The following PSAP variants were observed in gnomAD, a reference collection of about 807,000 sequenced individuals.
PSAP encodes precursor of saposins.
Under a neutral mutation model 66.0 loss-of-function variants are expected in PSAP, and 25 were observed. The ratio of observed to expected loss-of-function variants is 0.38; its 90% CI spans 0.28 to 0.53. The LOEUF (loss-of-function observed/expected upper bound fraction) is 0.53, where lower values mean the gene tolerates loss of function less well. Among genes scored for constraint, PSAP ranks in the 20% least tolerant of loss-of-function variants. The pLI is 0.83. For missense variants in PSAP, 649 were observed against 668.8 expected (o/e 0.97, Z 0.33); for synonymous variants, 273 against 258.9 (o/e 1.05, Z -0.52).
intron 11 of PSAP, 166 bp from the exon 12 acceptor site, chr10:71,819,277 C>T (rs1239269057): frequency 1.8e-5 from 19 of 1,032,262 alleles, no homozygotes; most frequent in Non-Finnish European, 2.6e-5. Context: ...CTACATTTGG[C>T]CTCTCTACTT....
At chr10:71,845,637 C>T (rs375603025) in intron 1 of PSAP, among the ~76,000 whole-genome samples, 4 of 152,282 alleles carry the variant, frequency 2.6e-5, no homozygotes, top group East Asian at 3.9e-4. Context: ...GACCTGGCTT[C>T]CCACGTCCAT....
At chr10:71,822,984 G>A (rs188012315) in intron 7 of PSAP, among the ~76,000 whole-genome samples, 10 of 150,958 alleles carry the variant, frequency 6.6e-5, no homozygotes, top group Non-Finnish European at 5.9e-5. Context: ...TAATAAGAAC[G>A]CAGCTGAAGA....
chr10:71,834,522 C>T lies in PSAP; in HGVS notation c.41-17G>A, dbSNP rs181164406. ...CGGCTAGAGCTAAAATGAAAACCAACGTGAGGAGGTGGCCCATTTTGTAGC... is the reference window on the plus strand; with the variant it reads ...CGGCTAGAGCTAAAATGAAAACCAATGTGAGGAGGTGGCCCATTTTGTAGC... On this transcript the variant is annotated splice_polypyrimidine_tract_variant and intron_variant, in intron 1 of 13. Transcript: ENST00000394936. 922 of 1,613,048 alleles carry T rather than the reference C, an allele frequency of 5.7e-4. 5 individuals are homozygous for T. In the African/African-American group the frequency reaches 1.0e-2, roughly 17 times the overall value.
intron 12 of PSAP, 87 bp from the exon 13 acceptor site, chr10:71,818,811 A>G: frequency 8.1e-7 from 1 of 1,237,204 alleles, no homozygotes; most frequent in Non-Finnish European, 1.2e-6. Flanking sequence ...CAGTTTCCAG[A>G]AGGAGCTAGG....
chr10:71,819,998 G>T, intron 9 of PSAP, 98 bp from the exon 10 acceptor site: 7 of 1,124,916 alleles, frequency 6.2e-6, no homozygotes, highest in Non-Finnish European at 9.2e-6. Context: ...TGAGTCAATG[G>T]TGGGTGCCGT....
rs1842226387 is a variant in PSAP, at chr10:71,818,670, T to C, written c.1486A>G (p.Ile496Val). 6.2e-7 allele frequency: 1 copy of C among 1,614,124 alleles called. No homozygotes were observed. The highest frequency in any genetic ancestry group is 8.5e-7 in the Non-Finnish European group (1 of 1,180,036). The change falls in exon 13 of 14, where the codon ATA becomes GTA. Residue 496 changes from isoleucine to valine, a missense_variant. Transcript: ENST00000394936. ...TGGCACCAGTAGCTTGGGCCCCATA[T>C]ACACTTCTCAGTTCCCAACAAGGGC... ...HKPLLGTEKCIWGPSYWCQNT... is the reference protein window; with the variant it reads ...HKPLLGTEKCVWGPSYWCQNT...
chr10:71,819,627 A>C lies in PSAP; in HGVS notation c.1193-5T>G. ...CCTTTGGCTGAGTCACGTGAACTAC[A>C]TAAGAGGGCAGCGGGCTCAACGCTG... On this transcript the variant is annotated splice_polypyrimidine_tract_variant and splice_region_variant and intron_variant, in intron 10 of 13. Coordinates refer to ENST00000394936, the MANE Select transcript of PSAP (RefSeq NM_002778.4). 2 of 1,614,194 alleles carry C rather than the reference A, an allele frequency of 1.2e-6. No individual in the cohort carries two copies. The highest frequency in any genetic ancestry group is 1.7e-6 in the Non-Finnish European group (2 of 1,180,030).
intron 2 of PSAP, among the ~76,000 whole-genome samples, chr10:71,834,125 T>C (rs1842575907): frequency 6.6e-6 from 1 of 152,168 alleles, no homozygotes; most frequent in Non-Finnish European, 1.5e-5. Context: ...GGGGACCTCA[T>C]CCTGTCTGCC....
chr10:71,829,390 G>T (rs1842466643), intron 4 of PSAP, among the ~76,000 whole-genome samples: 1 of 152,134 alleles, frequency 6.6e-6, no homozygotes, highest in Non-Finnish European at 1.5e-5. Flanking sequence ...GGACCTAGTG[G>T]GAGGTAACTG....
At chr10:71,834,644 C>A in intron 1 of PSAP, 139 bp from the exon 2 acceptor site, 1 of 1,084,394 alleles carries the variant, frequency 9.2e-7, no homozygotes, top group South Asian at 1.4e-5. Flanking sequence ...TATGGGACAC[C>A]AGCCACACAG....
In PSAP at chr10:71,828,107, C is replaced by G. The variant is rs759058332; in HGVS notation, c.627G>C (p.Gln209His). 6.2e-7 allele frequency: 1 copy of G among 1,614,164 alleles called. No homozygotes were observed. Among genetic ancestry groups the G allele is most frequent in the South Asian group, 1.1e-5 (1 of 91,078 alleles). The change falls in exon 6 of 14, where the codon CAG becomes CAC. Residue 209 changes from glutamine (Q) to histidine (H), a missense_variant. Physicochemically the swap from Gln to His is conservative, Grantham distance 24 (BLOSUM62 0). Coordinates refer to ENST00000394936, the MANE Select transcript of PSAP (RefSeq NM_002778.4). ...AGGTGGAGTTGGTCCGTACAGCAGTCTGGATGTCAGTCACCATCTGAATGC... is the reference window on the plus strand; with the variant it reads ...AGGTGGAGTTGGTCCGTACAGCAGTGTGGATGTCAGTCACCATCTGAATGC... The part of the protein sequence containing the change: ...QDCIQMVTDI[Q>H]TAVRTNSTFV...
chr10:71,836,363 G>A (rs918136832), intron 1 of PSAP, among the ~76,000 whole-genome samples: 1 of 152,108 alleles, frequency 6.6e-6, no homozygotes, highest in African/African-American at 2.4e-5. Flanking sequence ...AGCGGTGGAG[G>A]GGAGGCAGAA....
intron 9 of PSAP, 94 bp from the exon 10 acceptor site, chr10:71,819,994 A>G: frequency 8.7e-7 from 1 of 1,144,932 alleles, no homozygotes; most frequent in Non-Finnish European, 1.3e-6. Flanking sequence ...GAAATGAGTC[A>G]ATGGTGGGTG....
intron 1 of PSAP, among the ~76,000 whole-genome samples, chr10:71,838,678 C>T (rs1842673523): frequency 1.3e-5 from 2 of 152,112 alleles, no homozygotes; most frequent in Non-Finnish European, 2.9e-5. Context: ...ATCGATTGAG[C>T]CCAGGAGGCG....
chr10:71,832,542 G>A (rs1218791113), intron 2 of PSAP, among the ~76,000 whole-genome samples: 1 of 152,154 alleles, frequency 6.6e-6, no homozygotes, highest in Admixed American at 6.5e-5. Flanking sequence ...GTGAGACTGA[G>A]GAACACCTAT....
chr10:71,843,065 G>A (rs576783804), intron 1 of PSAP, among the ~76,000 whole-genome samples: 6 of 152,050 alleles, frequency 3.9e-5, no homozygotes, highest in East Asian at 1.9e-4. Flanking sequence ...ACATCACAAC[G>A]CCAGGTAGCG....
intron 8 of PSAP, 41 bp from the exon 9 acceptor site, chr10:71,820,376 C>T (rs1007193800): frequency 4.6e-6 from 7 of 1,537,918 alleles, no homozygotes; most frequent in Non-Finnish European, 4.5e-6. Flanking sequence ...AATGCTGGGA[C>T]TCACAGCCCT....
chr10:71,850,838 GCCCAAGGGGTC>G (rs1842914074), intron 1 of PSAP, among the ~76,000 whole-genome samples: 1 of 152,252 alleles, frequency 6.6e-6, no homozygotes, highest in African/African-American at 2.4e-5. Context: ...CAACACAGCT[GCCCAAGGGGTC>G]ACCCTACAAG....
chr10:71,839,473 C>T (rs1274943896), intron 1 of PSAP, among the ~76,000 whole-genome samples: 1 of 152,072 alleles, frequency 6.6e-6, no homozygotes, highest in Non-Finnish European at 1.5e-5. Flanking sequence ...CTCCTGACCT[C>T]GTGATCCACC....
Sources: gnomAD v4.1 joint callset for allele counts (sites outside exome capture counted in the v4.1 genomes callset) on GRCh38, gnomAD v4.1.1 for gene constraint, MANE v1.5 for transcripts, NCBI Gene and HGNC (gene_info 2026-07-23, HGNC 2026-07-21) for gene names.